The following SNX25 variants were observed in gnomAD, a reference collection of about 807,000 sequenced individuals.
SNX25 encodes the protein sorting nexin 25.
Under a neutral mutation model 113.7 loss-of-function variants are expected in SNX25, and 62 were observed. That is an observed-to-expected ratio of 0.55 (90% CI 0.44 to 0.67). The LOEUF is 0.67. Among genes scored for constraint, SNX25 ranks in the 30% least tolerant of loss-of-function variants. The probability of loss-of-function intolerance (pLI) is 0.00; values close to 1 mark genes in which losing one functional copy is unlikely to be tolerated. For missense variants in SNX25, 1,014 were observed against 1,161.0 expected (o/e 0.87, Z 1.84); for synonymous variants, 421 against 436.2 (o/e 0.97, Z 0.43).
At chr4:185,271,814 A>G (rs1334152273) in intron 5 of SNX25, among the ~76,000 whole-genome samples, 1 of 152,268 alleles carries the variant, frequency 6.6e-6, no homozygotes, top group Non-Finnish European at 1.5e-5. Flanking sequence ...TTAGGGCGGA[A>G]TGCGCTAAAA....
intron 6 of SNX25, among the ~76,000 whole-genome samples, chr4:185,292,965 A>C (rs1014956736): frequency 6.6e-6 from 1 of 152,342 alleles, no homozygotes; most frequent in African/African-American, 2.4e-5. Flanking sequence ...ATTATCAAGA[A>C]AATGAAAAGA....
At chr4:185,282,187 G>A (rs2126593666) in intron 5 of SNX25, among the ~76,000 whole-genome samples, 1 of 152,162 alleles carries the variant, frequency 6.6e-6, no homozygotes, top group South Asian at 2.1e-4. Flanking sequence ...TGAAATTACA[G>A]CATGTGCATG....
At chr4:185,243,311 T>C (rs914994271) in intron 1 of SNX25, among the ~76,000 whole-genome samples, 1 of 152,220 alleles carries the variant, frequency 6.6e-6, no homozygotes, top group African/African-American at 2.4e-5. Context: ...TCTTTTCATC[T>C]TGTAAAGCTG....
downstream of SNX25, among the ~76,000 whole-genome samples, chr4:185,367,986 C>T (rs931534131): frequency 4.6e-5 from 7 of 151,956 alleles, no homozygotes; most frequent in Non-Finnish European, 7.4e-5. Context: ...GAGACCATCC[C>T]GGCTAACACA....
intron 1 of SNX25, among the ~76,000 whole-genome samples, chr4:185,237,762 G>GA (rs1282670813): frequency 2.7e-4 from 39 of 145,896 alleles, no homozygotes; most frequent in Admixed American, 1.0e-3. Flanking sequence ...GTTGTTGTTG[G>GA]AAAAAAAAAA....
chr4:185,269,751 G>A (rs942828715), intron 5 of SNX25, among the ~76,000 whole-genome samples: 4 of 152,082 alleles, frequency 2.6e-5, no homozygotes, highest in East Asian at 3.9e-4. Flanking sequence ...TGTTGTTGTT[G>A]TTTTTTAAGA....
chr4:185,205,603 C>T (rs1435732842), upstream of SNX25, among the ~76,000 whole-genome samples: 2 of 152,064 alleles, frequency 1.3e-5, no homozygotes, highest in Non-Finnish European at 2.9e-5. Context: ...CTGAGGTGGG[C>T]GGATCACCTG....
chr4:185,209,422 G>GGT (rs1737367499), upstream of SNX25: 1 of 152,310 alleles, frequency 6.6e-6, no homozygotes, highest in South Asian at 2.1e-4. This position sits in a 1 kb window ranked among gnomAD's most constrained non-coding sequence, Gnocchi z 5.2. Context: ...GGGAAAGAGA[G>GGT]GTGTGCACCG....
chr4:185,207,966 GGTT>G (rs1178169095), upstream of SNX25, among the ~76,000 whole-genome samples: 1 of 152,078 alleles, frequency 6.6e-6, no homozygotes, highest in Non-Finnish European at 1.5e-5. Context: ...ACATAGATTT[GGTT>G]GTTGTTGATA....
intron 3 of SNX25, among the ~76,000 whole-genome samples, chr4:185,261,229 G>A (rs1208623723): frequency 6.6e-6 from 1 of 151,928 alleles, no homozygotes; most frequent in East Asian, 1.9e-4. Context: ...CCAGGCTGGA[G>A]TGCAGTGGTG....
At chr4:185,326,713 A>G (rs1579801674) in intron 9 of SNX25, among the ~76,000 whole-genome samples, 1 of 152,340 alleles carries the variant, frequency 6.6e-6, no homozygotes, top group South Asian at 2.1e-4. Context: ...TTTATACCAA[A>G]TAAGCCAAAT....
intron 6 of SNX25, among the ~76,000 whole-genome samples, chr4:185,296,993 C>T (rs185315565): frequency 4.0e-4 from 61 of 152,288 alleles, no homozygotes; most frequent in African/African-American, 1.4e-3. Flanking sequence ...TTGTTGACTG[C>T]TCAGTCTTCT....
At chr4:185,295,625 T>G (rs991353605) in intron 6 of SNX25, among the ~76,000 whole-genome samples, 1 of 152,016 alleles carries the variant, frequency 6.6e-6, no homozygotes, top group Non-Finnish European at 1.5e-5. Flanking sequence ...AGTTTTTGTA[T>G]TTTTTGTAGA....
chr4:185,228,878 A>G (rs951144676), intron 1 of SNX25, among the ~76,000 whole-genome samples: 2 of 152,186 alleles, frequency 1.3e-5, no homozygotes, highest in African/African-American at 4.8e-5. Context: ...TCCCCATTGT[A>G]TGGATCAGGA....
chr4:185,226,173 A>T (rs1180954434), intron 1 of SNX25, among the ~76,000 whole-genome samples: 3 of 152,190 alleles, frequency 2.0e-5, no homozygotes, highest in Admixed American at 6.5e-5. Context: ...ACATAGCGTG[A>T]AACCCATCAG....
intron 13 of SNX25, among the ~76,000 whole-genome samples, chr4:185,350,871 G>C (rs567818068): frequency 4.0e-5 from 6 of 150,534 alleles, no homozygotes; most frequent in African/African-American, 1.5e-4. Context: ...CAAAAAAAAA[G>C]AAAAGAAAAG....
intron 6 of SNX25, among the ~76,000 whole-genome samples, chr4:185,301,463 C>T (rs1412028288): frequency 6.6e-6 from 1 of 152,122 alleles, no homozygotes; most frequent in Non-Finnish European, 1.5e-5. Context: ...GCAATCTTGA[C>T]TCACTGCAAC....
At chr4:185,213,797 T>A (rs1189148085) in intron 1 of SNX25, among the ~76,000 whole-genome samples, 3 of 152,156 alleles carry the variant, frequency 2.0e-5, no homozygotes, top group Non-Finnish European at 4.4e-5. Flanking sequence ...TCAAAGTACA[T>A]CTTCTCACAG....
In SNX25 at chr4:185,220,817, A is replaced by G. The variant is rs1158153827; in HGVS notation, c.429+10562A>G. On this transcript the variant is annotated intron_variant, in intron 1 of 18. Coordinates refer to ENST00000652585, the MANE Select transcript of SNX25 (RefSeq NM_001378034.2). ...TCTTGACATCTTCTCCTTATACCCC[A>G]TAGGCACTCCATCAAGTCCTGTCCT... Among the ~76,000 whole-genome samples the G allele has an allele frequency of 7.2e-5, 11 of 152,024 alleles. No individual in the cohort carries two copies. In the East Asian group the frequency reaches 1.9e-3, roughly 27 times the overall value.
Sources: gnomAD v4.1 joint callset for allele counts (sites outside exome capture counted in the v4.1 genomes callset) on GRCh38, gnomAD v4.1.1 for gene constraint, Gnocchi (gnomAD v3.1) non-coding constraint, MANE v1.5 for transcripts, NCBI Gene and HGNC (gene_info 2026-07-23, HGNC 2026-07-21) for gene names.